Variants in ANKS1B observed in about 807,000 individuals in gnomAD.
ANKS1B encodes ankyrin repeat and sterile alpha motif domain containing 1B.
ANKS1B carries 36 observed loss-of-function variants against 148.3 expected under a neutral mutation model. That is an observed-to-expected ratio of 0.24 (90% confidence interval 0.19 to 0.32). ANKS1B has a LOEUF of 0.32. Among genes scored for constraint, ANKS1B ranks in the 10% least tolerant of loss-of-function variants. The pLI is 1.00. For synonymous variants in ANKS1B, 542 were observed against 560.8 expected (o/e 0.97, Z 0.47); for missense variants, 1,157 against 1,542.6 (o/e 0.75, Z 4.19).
At chr12:99,392,784 G>A (rs1289067462) in intron 12 of ANKS1B, among the ~76,000 whole-genome samples, 4 of 152,000 alleles carry the variant, frequency 2.6e-5, no homozygotes, top group Admixed American at 2.0e-4. Context: ...CTTTTAAAAC[G>A]GATACTCTTT....
At chr12:99,271,768 G>C in intron 12 of ANKS1B, among the ~76,000 whole-genome samples, 1 of 149,702 alleles carries the variant, frequency 6.7e-6, no homozygotes, top group East Asian at 2.0e-4. Context: ...TTAGCAACAT[G>C]GCATAGTAGG....
chr12:99,233,175 T>C (rs1032148864), intron 14 of ANKS1B, among the ~76,000 whole-genome samples: 1 of 152,190 alleles, frequency 6.6e-6, no homozygotes. Flanking sequence ...TGTTTCATTA[T>C]ATATATGCAA....
chr12:98,774,471 T>A (rs780222603), intron 24 of ANKS1B, among the ~76,000 whole-genome samples: 2 of 152,208 alleles, frequency 1.3e-5, no homozygotes, highest in Non-Finnish European at 2.9e-5. Context: ...CAAACCCTGC[T>A]AGAAACTTCT....
intron 8 of ANKS1B, 86 bp downstream of exon 8, chr12:99,772,836 A>C (rs973634446): frequency 1.8e-5 from 24 of 1,310,788 alleles, no homozygotes; most frequent in Admixed American, 7.8e-5. Flanking sequence ...GAATCTGATA[A>C]TGCACCACAT....
chr12:99,176,116 T>C (rs1411096393), intron 14 of ANKS1B, among the ~76,000 whole-genome samples: 2 of 152,262 alleles, frequency 1.3e-5, no homozygotes, highest in South Asian at 2.1e-4. Context: ...CCCTAAGTGC[T>C]AGGATTACAG....
rs564770193 is a variant in ANKS1B at position 99,561,481 on chromosome 12, G to A, written c.1273-56840C>T. Among the ~76,000 whole-genome samples the A allele has an allele frequency of 1.8e-4, 28 of 151,930 alleles. No homozygotes were observed. In the South Asian group the frequency reaches 4.6e-3, roughly 25 times the overall value. ...TCAAAGATTAGATTTAAATCCTCTC[G>A]GGAGGAAATTTTTTTCTTATGCATT... On this transcript the variant is annotated intron_variant, in intron 9 of 26. Coordinates refer to ENST00000683438, the MANE Select transcript of ANKS1B (RefSeq NM_001352186.2).
At chr12:98,779,089 A>G (rs1566391193) in intron 24 of ANKS1B, among the ~76,000 whole-genome samples, 1 of 152,248 alleles carries the variant, frequency 6.6e-6, no homozygotes, top group Non-Finnish European at 1.5e-5. Context: ...TGAGGACCAC[A>G]CTGCAAAGAC....
In ANKS1B at chr12:98,801,176, T is replaced by C. The variant is rs1293998341; in HGVS notation, c.3142-51A>G. The C allele has an allele frequency of 6.3e-7, 1 of 1,597,688 alleles. No individual in the cohort carries two copies. Among genetic ancestry groups the C allele is most frequent in the Admixed American group, 1.7e-5 (1 of 58,266 alleles). The stretch of plus-strand genomic sequence containing the variant: ...CAATATGAGCAGTCAGCAAAGTTCA[T>C]TCCCTGTAGCTACCCTGAGCTCACC... On this transcript the variant is annotated intron_variant, in intron 20 of 26. Transcript: ENST00000683438. This position sits in a 1 kb window ranked among gnomAD's most constrained non-coding sequence, Gnocchi z 5.2.
At chr12:99,161,631 G>T (rs948774047) in intron 14 of ANKS1B, among the ~76,000 whole-genome samples, 6 of 152,164 alleles carry the variant, frequency 3.9e-5, no homozygotes, top group African/African-American at 1.2e-4. Flanking sequence ...CTAAATGGTA[G>T]GTTAGCTAGT....
At chr12:99,648,626 A>T in intron 9 of ANKS1B, 1 of 1,614,250 alleles carries the variant, frequency 6.2e-7, no homozygotes, top group Admixed American at 1.7e-5. Context: ...TTTTATCTTC[A>T]GCTGTGTCCT....
intron 13 of ANKS1B, 21 bp from the exon 14 acceptor site, chr12:99,244,435 T>C (rs1479091415): frequency 3.4e-6 from 5 of 1,484,968 alleles, no homozygotes. Flanking sequence ...CAAAAACCAT[T>C]TAAATGGATT....
chr12:99,082,357 C>T (rs545209780), intron 16 of ANKS1B, among the ~76,000 whole-genome samples: 6 of 151,988 alleles, frequency 3.9e-5, no homozygotes, highest in African/African-American at 9.7e-5. Context: ...ATGTCACATT[C>T]GAATAGAGAT....
At chr12:99,959,227 A>ATTTTTTTTTTTTTTTTTTTTTT (rs71088166) in intron 1 of ANKS1B, among the ~76,000 whole-genome samples, 1 of 99,896 alleles carries the variant, frequency 1.0e-5, no homozygotes, top group South Asian at 3.8e-4. Flanking sequence ...CACCCAGTTA[A>ATTTTTTTTTTTTTTTTTTTTTT]TTTTTTTTTT....
At chr12:99,349,255 T>C (rs894293462) in intron 12 of ANKS1B, among the ~76,000 whole-genome samples, 5 of 151,864 alleles carry the variant, frequency 3.3e-5, no homozygotes, top group Admixed American at 1.3e-4. Flanking sequence ...ATGTAACTAA[T>C]ATGAAAGACA....
At chr12:99,361,182 T>C (rs965197874) in intron 12 of ANKS1B, among the ~76,000 whole-genome samples, 1 of 152,126 alleles carries the variant, frequency 6.6e-6, no homozygotes, top group African/African-American at 2.4e-5. Flanking sequence ...TCATTCTTTA[T>C]GATGTAATTA....
chr12:99,130,920 A>G (rs1397933065), intron 15 of ANKS1B, among the ~76,000 whole-genome samples: 1 of 152,146 alleles, frequency 6.6e-6, no homozygotes, highest in East Asian at 1.9e-4. Context: ...CCTTCAACTC[A>G]TCCTTTAAGG....
rs59294440 is a variant in ANKS1B, at chr12:98,850,459, A to ATTTTTTTT, written c.2779-18331_2779-18324dup. Among the ~76,000 whole-genome samples the ATTTTTTTT allele has an allele frequency of 2.0e-3, 143 of 70,512 alleles. 26 individuals are homozygous for ATTTTTTTT. Among genetic ancestry groups the ATTTTTTTT allele is most frequent in the Non-Finnish European group, 2.9e-3 (116 of 40,524 alleles). The allele number at this position is 70,512 out of a possible 152,430, so 46.3% of individuals were successfully genotyped here. On this transcript the variant is annotated intron_variant, in intron 17 of 26. Coordinates refer to ENST00000683438, the MANE Select transcript of ANKS1B (RefSeq NM_001352186.2). Reference sequence around the variant, plus strand: ...TTGATGGAGACCAGAGAAGCATTGCATTTTTTTTTTTTTTTTTTTTTTTTT... The same window carrying ATTTTTTTT: ...TTGATGGAGACCAGAGAAGCATTGCATTTTTTTTTTTTTTTTTTTTTTTTTTTTTTTTT...
chr12:98,750,071 G>A (rs939494611), intron 26 of ANKS1B, among the ~76,000 whole-genome samples: 6 of 152,100 alleles, frequency 3.9e-5, no homozygotes, highest in Non-Finnish European at 7.3e-5. Flanking sequence ...GACATGCTAA[G>A]TTTCAGATGT....
In ANKS1B at chr12:99,380,400, C is replaced by T. The variant is rs963627738; in HGVS notation, c.1756+19231G>A. Among the ~76,000 whole-genome samples, 19 of 144,308 alleles carry T rather than the reference C, an allele frequency of 1.3e-4. 1 individual carries two copies. In the East Asian group the frequency reaches 4.1e-3, roughly 31 times the overall value. 94.7% of individuals were successfully genotyped at this position (144,308 alleles called of 152,430 possible). ...TAAAAAACTTTTTTGAGCTACAATG[C>T]TTTTAATTGCTTAATTTTGTAGTTT... On this transcript the variant is annotated intron_variant, in intron 12 of 26. Transcript: ENST00000683438.
Sources: gnomAD v4.1 joint callset for allele counts (sites outside exome capture counted in the v4.1 genomes callset) on GRCh38, gnomAD v4.1.1 for gene constraint, Gnocchi (gnomAD v3.1) non-coding constraint, MANE v1.5 for transcripts, NCBI Gene and HGNC (gene_info 2026-07-23, HGNC 2026-07-21) for gene names.